C7orf57: variants seen among roughly 807,000 people sequenced by gnomAD.
C7orf57 encodes the protein chromosome 7 open reading frame 57.
In C7orf57, 33 loss-of-function variants were observed where a neutral mutation model predicts 39.0. The observed-to-expected ratio is 0.85, with a 90% CI of 0.64 to 1.13. C7orf57 has a LOEUF of 1.13. Among genes scored for constraint, C7orf57 ranks in the 50% most tolerant of loss-of-function variants. The probability of loss-of-function intolerance (pLI) is 0.00; values close to 1 mark genes in which losing one functional copy is unlikely to be tolerated. For synonymous variants in C7orf57, 124 were observed against 137.1 expected (o/e 0.90, Z 0.67); for missense variants, 346 against 362.3 (o/e 0.95, Z 0.37).
chr7:48,052,577 A>T, intron 6 of C7orf57, 123 bp from the exon 7 acceptor site: 1 of 739,590 alleles, frequency 1.4e-6, no homozygotes, highest in Non-Finnish European at 2.3e-6. Flanking sequence ...AGACAGAGAG[A>T]GAGAGGTTTG....
At chr7:48,057,937 T>C (rs547103261) in intron 8 of C7orf57, among the ~76,000 whole-genome samples, 1 of 152,290 alleles carries the variant, frequency 6.6e-6, no homozygotes, top group Admixed American at 6.5e-5. Context: ...ATGTAGTATA[T>C]CACATTTAAT....
intron 8 of C7orf57, among the ~76,000 whole-genome samples, chr7:48,055,066 C>T (rs1388615907): frequency 6.6e-6 from 1 of 152,016 alleles, no homozygotes; most frequent in East Asian, 1.9e-4. Flanking sequence ...TTAGTAGAGG[C>T]GGGGTTTCAC....
In C7orf57 at chr7:48,043,486, T is replaced by C. The variant is rs1276716968; in HGVS notation, c.247T>C (p.Leu83=). The C allele has an allele frequency of 1.9e-6, 3 of 1,613,362 alleles. No individual in the cohort carries two copies. The highest frequency in any genetic ancestry group is 4.5e-5 in the East Asian group (2 of 44,864). ...LAKQGGRPDL[L]KHFAPGTRKG... ...ATGTCATTTTCTCTTTTGAGATTTG[T>C]TGAAGCACTTTGCCCCTGGAACCAG... is the stretch of plus-strand genomic sequence containing the variant. Residue 83 remains leucine, a synonymous_variant, in exon 4 of 9, where the codon TTG becomes CTG. Transcript: ENST00000348904.
Position 48,049,952 on chromosome 7 carries a change from G to A in C7orf57, c.580G>A (p.Gly194Arg). 1 of 1,612,696 alleles carries A rather than the reference G, an allele frequency of 6.2e-7. No individual in the cohort carries two copies. The highest frequency in any genetic ancestry group is 8.5e-7 in the Non-Finnish European group (1 of 1,178,854). The change falls in exon 6 of 9, where the codon GGA becomes AGA. Residue 194 changes from glycine to arginine, a missense_variant. Physicochemically the swap from Gly to Arg is moderately radical, Grantham distance 125. Coordinates refer to ENST00000348904, the MANE Select transcript of C7orf57 (RefSeq NM_001100159.3). Reference protein sequence around the residue: ...GTPLGPKNPAGSRLSFPPVPG... With the variant: ...GTPLGPKNPARSRLSFPPVPG... ...CCCACTTGGCCCTAAGAATCCTGCA[G>A]GAAGTAGACTCTCCTTCCCCCCCGT...
At chr7:48,045,027 T>C (rs1790673514) in intron 4 of C7orf57, among the ~76,000 whole-genome samples, 1 of 152,204 alleles carries the variant, frequency 6.6e-6, no homozygotes, top group African/African-American at 2.4e-5. Flanking sequence ...AGACTGTTGG[T>C]ACCCCTGTCC....
chr7:48,046,543 GA>G lies in C7orf57; in HGVS notation c.435del (p.Phe148SerfsTer5). The G allele has an allele frequency of 6.2e-7, 1 of 1,613,974 alleles. No individual in the cohort carries two copies. Among genetic ancestry groups the G allele is most frequent in the Non-Finnish European group, 8.5e-7 (1 of 1,179,862 alleles). On this transcript the variant is annotated frameshift_variant, in exon 5 of 9. Coordinates refer to ENST00000348904, the MANE Select transcript of C7orf57 (RefSeq NM_001100159.3). LOFTEE classifies it high-confidence loss of function. Reference sequence around the variant, plus strand: ...GCCAATGGTAGCTATGCATCCAGAAGAGGGCCCTTCGACTTCGACATGAAAA... The same window carrying G: ...GCCAATGGTAGCTATGCATCCAGAAGGGGCCCTTCGACTTCGACATGAAAA... Reference protein sequence around the residue: ...DQANGSYASRRGPFDFDMKTV... With the variant: ...DQANGSYASRXGPFDFDMKTV...
intron 2 of C7orf57, among the ~76,000 whole-genome samples, 175 bp from the exon 3 acceptor site, chr7:48,041,159 G>A (rs1180470866): frequency 6.6e-6 from 1 of 152,162 alleles, no homozygotes. Context: ...TGCATAGCTG[G>A]TGTTATGACT....
chr7:48,036,220 G>A lies in C7orf57; in HGVS notation c.-89G>A, dbSNP rs1467828105. On this transcript the variant is annotated 5_prime_UTR_variant, in exon 2 of 9. Coordinates refer to ENST00000348904, the MANE Select transcript of C7orf57 (RefSeq NM_001100159.3). ...TTTGCTTTTGCAGCTGCAGCTCCTG[G>A]CAACTGGTCAAGCAGGCAGCGTCCA... The A allele has an allele frequency of 7.0e-7, 1 of 1,418,992 alleles. No individual in the cohort carries two copies. Among genetic ancestry groups the A allele is most frequent in the African/African-American group, 1.4e-5 (1 of 70,344 alleles). 87.9% of individuals were successfully genotyped at this position (1,418,992 alleles called of 1,614,324 possible). A position where few individuals can be genotyped will look rare whatever the true frequency, so the allele number is the denominator to read the frequency against.
Position 48,043,202 on chromosome 7 carries a change from A to T in C7orf57, c.242-279A>T, listed in dbSNP as rs761437262. 5.9e-5 allele frequency among the ~76,000 whole-genome samples: 9 copies of T among 152,278 alleles called. 1 individual carries two copies. Among genetic ancestry groups the T allele is most frequent in the Non-Finnish European group, 1.2e-4 (8 of 67,996 alleles). On this transcript the variant is annotated intron_variant, in intron 3 of 8. Coordinates refer to ENST00000348904, the MANE Select transcript of C7orf57 (RefSeq NM_001100159.3). Reference sequence around the variant, plus strand: ...GGAGCTGGTAGATGCTGGCCTGCATAGATGCAGCTCAAGACCAGGAGCTCT... The same window carrying T: ...GGAGCTGGTAGATGCTGGCCTGCATTGATGCAGCTCAAGACCAGGAGCTCT...
chr7:48,060,113 T>C (rs760698460), intron 8 of C7orf57, 113 bp from the exon 9 acceptor site: 5 of 622,148 alleles, frequency 8.0e-6, no homozygotes, highest in Non-Finnish European at 1.1e-5. Flanking sequence ...ACTTCAGAAA[T>C]AATCCTTATT....
At chr7:48,057,058 T>C (rs1791136098) in intron 8 of C7orf57, among the ~76,000 whole-genome samples, 1 of 140,844 alleles carries the variant, frequency 7.1e-6, no homozygotes, top group Admixed American at 7.1e-5. Context: ...GATGATGCCA[T>C]ATATCTGTTT....
intron 2 of C7orf57, among the ~76,000 whole-genome samples, chr7:48,039,879 G>T (rs1404686894): frequency 6.6e-6 from 1 of 151,836 alleles, no homozygotes; most frequent in Non-Finnish European, 1.5e-5. Context: ...CCAGTCACTT[G>T]TGTCACATTA....
intron 6 of C7orf57, among the ~76,000 whole-genome samples, chr7:48,051,795 T>TTTCTTTCTTTCTTTCC (rs1562629842): frequency 6.4e-5 from 5 of 77,606 alleles, no homozygotes; most frequent in Non-Finnish European, 1.1e-4. Flanking sequence ...TCTTTCTTTC[T>TTTCTTTCTTTCTTTCC]TTCCTTCCTT....
rs867255963 is a variant in C7orf57, at chr7:48,060,220, T to A, written c.842-6T>A. 7.2e-6 allele frequency: 11 copies of A among 1,524,422 alleles called. No individual in the cohort carries two copies. Among genetic ancestry groups the A allele is most frequent in the Non-Finnish European group, 9.7e-6 (11 of 1,128,572 alleles). The allele number at this position is 1,524,422 out of a possible 1,614,324, so 94.4% of individuals were successfully genotyped here. A position where few individuals can be genotyped will look rare whatever the true frequency, so the allele number is the denominator to read the frequency against. On this transcript the variant is annotated splice_region_variant and splice_polypyrimidine_tract_variant and intron_variant, in intron 8 of 8. Transcript: ENST00000348904. ...TGTCTACTCATTTATTTACTTTGTG[T>A]TGCAGGCCCAGAAGAATCTGTATCT...
At chr7:48,048,027 A>G (rs1432926530) in intron 5 of C7orf57, among the ~76,000 whole-genome samples, 1 of 152,102 alleles carries the variant, frequency 6.6e-6, no homozygotes, top group African/African-American at 2.4e-5. Context: ...ATGCTGTATC[A>G]CTCTCAAATC....
At chr7:48,037,652 T>TA (rs1004256907) in intron 2 of C7orf57, among the ~76,000 whole-genome samples, 8 of 151,878 alleles carry the variant, frequency 5.3e-5, no homozygotes, top group Admixed American at 1.3e-4. Context: ...TATATATATA[T>TA]AAAAAATCTA....
At chr7:48,050,902 C>A (rs999035909) in intron 6 of C7orf57, among the ~76,000 whole-genome samples, 3 of 151,720 alleles carry the variant, frequency 2.0e-5, no homozygotes, top group African/African-American at 7.3e-5. Flanking sequence ...CTCCTGTGCT[C>A]AAAAAATCCT....
intron 4 of C7orf57, among the ~76,000 whole-genome samples, chr7:48,044,704 A>T (rs899268459): frequency 6.6e-6 from 1 of 152,232 alleles, no homozygotes; most frequent in African/African-American, 2.4e-5. Context: ...GACAAAAGGC[A>T]CTAGGTAAAG....
chr7:48,057,513 T>G (rs1419226800), intron 8 of C7orf57, among the ~76,000 whole-genome samples: 1 of 152,134 alleles, frequency 6.6e-6, no homozygotes, highest in Non-Finnish European at 1.5e-5. Context: ...TTTCACAGTT[T>G]TTTGGTGGAG....
Sources: allele counts gnomAD v4.1 joint callset (sites outside exome capture counted in the v4.1 genomes callset), GRCh38; gene constraint gnomAD v4.1.1; transcripts MANE v1.5; gene names NCBI Gene and HGNC (gene_info 2026-07-23, HGNC 2026-07-21).